Variants in ADCY7 observed in about 807,000 individuals in gnomAD.
ADCY7 encodes the protein adenylate cyclase type 7.
In ADCY7, 72 loss-of-function variants were observed where a neutral mutation model predicts 120.6. That is an observed-to-expected ratio of 0.60 (90% confidence interval 0.49 to 0.73). ADCY7 has a LOEUF of 0.73. ADCY7 is among the 30% of genes least tolerant of loss of function. The pLI, the probability that ADCY7 is intolerant of heterozygous loss-of-function variation, is 0.00. For synonymous variants in ADCY7, 661 were observed against 628.0 expected, an observed-to-expected ratio of 1.05 and a Z score of -0.78; for missense variants, 1,227 against 1,486.0, an observed-to-expected ratio of 0.83 and a Z score of 2.87.
intron 1 of ADCY7, among the ~76,000 whole-genome samples, chr16:50,249,479 A>G (rs2032689066): frequency 6.6e-6 from 1 of 152,114 alleles, no homozygotes. Flanking sequence ...CAACAAAACC[A>G]AAGTACTCAG....
upstream of ADCY7, among the ~76,000 whole-genome samples, chr16:50,264,785 A>G (rs956763491): frequency 2.0e-5 from 3 of 148,478 alleles, no homozygotes; most frequent in African/African-American, 7.5e-5. Context: ...TCTCTTGTTC[A>G]TCTTTTAATT....
At chr16:50,274,815 A>G (rs1458431952) in intron 1 of ADCY7, among the ~76,000 whole-genome samples, 1 of 152,070 alleles carries the variant, frequency 6.6e-6, no homozygotes, top group Non-Finnish European at 1.5e-5. Context: ...TCTGAGTGGG[A>G]AGGGCCCTCA....
intron 1 of ADCY7, among the ~76,000 whole-genome samples, chr16:50,267,191 G>A (rs1225138504): frequency 6.6e-6 from 1 of 152,234 alleles, no homozygotes; most frequent in African/African-American, 2.4e-5. Flanking sequence ...AAGCAGACTG[G>A]TTTCCCTTTC....
Position 50,308,254 on chromosome 16 carries a change from C to T in ADCY7, c.1851-73C>T, listed in dbSNP as rs1047386802. The stretch of plus-strand genomic sequence containing the variant: ...AGGGTGGGGACAGGTGGCTGTGAGC[C>T]AGAGGATTGGTGGGGGCGGTGGTCC... On this transcript the variant is annotated intron_variant, in intron 15 of 25. Transcript: ENST00000673801. 2.5e-6 allele frequency: 4 copies of T among 1,613,266 alleles called. No individual in the cohort carries two copies. The African/African-American group carries it at 5.3e-5, about 22-fold the overall frequency.
chr16:50,267,246 C>G (rs370649944), intron 1 of ADCY7, among the ~76,000 whole-genome samples: 12 of 152,354 alleles, frequency 7.9e-5, no homozygotes, highest in African/African-American at 2.9e-4. Flanking sequence ...CATGGGCCAT[C>G]TGGAGTGGGT....
At chr16:50,312,241 C>G in intron 21 of ADCY7, 50 bp downstream of exon 21, 1 of 1,598,676 alleles carries the variant, frequency 6.3e-7, no homozygotes, top group Non-Finnish European at 8.5e-7. Flanking sequence ...ACGGTCCAGG[C>G]GCAGTCCGTA....
At chr16:50,308,513 G>T in intron 16 of ADCY7, 102 bp downstream of exon 16, 1 of 1,573,262 alleles carries the variant, frequency 6.4e-7, no homozygotes, top group Non-Finnish European at 8.6e-7. Context: ...CCCCTGCTCT[G>T]GTCAAGGTTG....
upstream of ADCY7, among the ~76,000 whole-genome samples, chr16:50,262,572 C>A (rs1196369214): frequency 6.6e-6 from 1 of 152,166 alleles, no homozygotes; most frequent in East Asian, 1.9e-4. Context: ...AGTGATCCAC[C>A]CTCCTCAGCC....
intron 1 of ADCY7, among the ~76,000 whole-genome samples, chr16:50,247,628 C>T (rs983204664): frequency 2.5e-4 from 38 of 149,688 alleles, no homozygotes; most frequent in African/African-American, 7.4e-4. Flanking sequence ...GATCCTCCTG[C>T]GTCAGCCTCC....
rs773675326 is a variant in ADCY7 at position 50,313,951 on chromosome 16, C to A, written c.2752-7C>A. 2 of 1,609,090 alleles carry A rather than the reference C, an allele frequency of 1.2e-6. No homozygotes were observed. The highest frequency in any genetic ancestry group is 1.7e-6 in the Non-Finnish European group (2 of 1,176,844). On this transcript the variant is annotated splice_polypyrimidine_tract_variant and splice_region_variant and intron_variant, in intron 22 of 25. Coordinates refer to ENST00000673801, the MANE Select transcript of ADCY7 (RefSeq NM_001114.5). ...CGGCTGCTTCACCGCTTCCTTCTTG[C>A]CTGCAGCTCCTACTGAAGCCCAAGT...
chr16:50,295,392 G>A (rs145649356), intron 7 of ADCY7, among the ~76,000 whole-genome samples: 1,874 of 121,272 alleles, frequency 0.015, 48 homozygotes, highest in African/African-American at 0.056. Context: ...ATGGGGTTTC[G>A]CCATGTAGGC....
rs2036413364 is a variant in ADCY7, at chr16:50,310,884, G to A, written c.2354+4G>A. 6.3e-7 allele frequency: 1 copy of A among 1,591,986 alleles called. No homozygotes were observed. Among genetic ancestry groups the A allele is most frequent in the Non-Finnish European group, 8.5e-7 (1 of 1,170,632 alleles). ...CCAAGCCCAACGGCACCACCAGGTGGGGTCCCGCCCGTCCCCGTCCCCATC... is the reference window on the plus strand; with the variant it reads ...CCAAGCCCAACGGCACCACCAGGTGAGGTCCCGCCCGTCCCCGTCCCCATC... On this transcript the variant is annotated splice_donor_region_variant and intron_variant, in intron 19 of 25. Transcript: ENST00000673801.
Position 50,297,037 on chromosome 16 carries a change from C to G in ADCY7, c.949-1867C>G, listed in dbSNP as rs1319330739. ...AGCTGGCCCTTTCCTTACCATAAAG[C>G]CCACACAGAGGGTCCCTTGCCCTTG... On this transcript the variant is annotated intron_variant, in intron 7 of 25. Coordinates refer to ENST00000673801, the MANE Select transcript of ADCY7 (RefSeq NM_001114.5). The surrounding 1 kb of genome is among the most constrained non-coding windows in gnomAD (Gnocchi z 4.4). 6.6e-6 allele frequency among the ~76,000 whole-genome samples: 1 copy of G among 152,202 alleles called. No homozygotes were observed. The highest frequency in any genetic ancestry group is 2.4e-5 in the African/African-American group (1 of 41,452).
At chr16:50,292,943 T>C in intron 5 of ADCY7, 118 bp downstream of exon 5, 2 of 1,327,250 alleles carry the variant, frequency 1.5e-6, no homozygotes, top group Non-Finnish European at 2.1e-6. Context: ...CCCATGCAGG[T>C]CTCACCTCGG....
chr16:50,289,531 A>G (rs139428584), intron 2 of ADCY7, among the ~76,000 whole-genome samples: 2,047 of 152,350 alleles, frequency 0.013, 51 homozygotes, highest in African/African-American at 0.046. Flanking sequence ...AATGGCACCA[A>G]CTTGGCTCGC....
intron 1 of ADCY7, among the ~76,000 whole-genome samples, chr16:50,248,481 C>T (rs1000311696): frequency 3.3e-5 from 5 of 152,230 alleles, no homozygotes; most frequent in African/African-American, 4.8e-5. Flanking sequence ...TGCACTTTGA[C>T]GCCAAACACT....
At chr16:50,246,696 T>G (rs1481614462) in intron 1 of ADCY7, among the ~76,000 whole-genome samples, 2 of 152,102 alleles carry the variant, frequency 1.3e-5, no homozygotes, top group Admixed American at 1.3e-4. Context: ...GACCCCTCGG[T>G]GGCCAAAGGG....
At chr16:50,247,607 C>T (rs550519740) in intron 1 of ADCY7, among the ~76,000 whole-genome samples, 17 of 146,706 alleles carry the variant, frequency 1.2e-4, no homozygotes, top group Admixed American at 8.4e-4. Flanking sequence ...CTTGAACTCC[C>T]GGGCTCAAGT....
intron 13 of ADCY7, 22 bp downstream of exon 13, chr16:50,305,608 C>A: frequency 6.3e-7 from 1 of 1,579,992 alleles, no homozygotes; most frequent in South Asian, 1.2e-5. Context: ...GACCTCTGTC[C>A]ACCCCCCTCT....
Sources: allele counts gnomAD v4.1 joint callset (sites outside exome capture counted in the v4.1 genomes callset), GRCh38; gene constraint gnomAD v4.1.1; non-coding constraint Gnocchi (gnomAD v3.1); transcripts MANE v1.5; gene names NCBI Gene and HGNC (gene_info 2026-07-23, HGNC 2026-07-21).